Variants in GGA2 observed in about 807,000 individuals in gnomAD.
GGA2 encodes ADP-ribosylation factor-binding protein GGA2.
In GGA2, 48 loss-of-function variants were observed where a neutral mutation model predicts 79.5. That is an observed-to-expected ratio of 0.60 (90% CI 0.48 to 0.77). The LOEUF (loss-of-function observed/expected upper bound fraction) is 0.77. Among genes scored for constraint, GGA2 ranks in the 30% least tolerant of loss-of-function variants. GGA2 has a pLI of 0.00. For synonymous variants in GGA2, 317 were observed against 302.0 expected (o/e 1.05, Z -0.51); for missense variants, 770 against 774.0 (o/e 0.99, Z 0.06).
chr16:23,499,708 C>T (rs1221038750), intron 1 of GGA2, among the ~76,000 whole-genome samples: 3 of 152,194 alleles, frequency 2.0e-5, no homozygotes, highest in African/African-American at 4.8e-5. Context: ...GTGATCCGCC[C>T]GCCTCGGCCC....
chr16:23,507,649 A>G lies in GGA2; in HGVS notation c.91+2672T>C, dbSNP rs559980285. 6.0e-5 allele frequency among the ~76,000 whole-genome samples: 9 copies of G among 150,676 alleles called. 1 individual carries two copies. Among genetic ancestry groups the G allele is most frequent in the Non-Finnish European group, 1.2e-4 (8 of 67,816 alleles). ...TCTCTCTCTCTCTCTCACACACACA[A>G]ATTAGCCGGTTGTGGTGGCGTGTGC... is the stretch of plus-strand genomic sequence containing the variant. On this transcript the variant is annotated intron_variant, in intron 1 of 16. Coordinates refer to ENST00000309859, the MANE Select transcript of GGA2 (RefSeq NM_015044.4).
At chr16:23,476,598 C>T (rs1047358805) in intron 13 of GGA2, among the ~76,000 whole-genome samples, 1 of 152,140 alleles carries the variant, frequency 6.6e-6, no homozygotes, top group Non-Finnish European at 1.5e-5. Flanking sequence ...ATATGAAATG[C>T]ATCACAGATA....
chr16:23,475,513 C>T (rs1330985124), intron 13 of GGA2, among the ~76,000 whole-genome samples: 2 of 151,302 alleles, frequency 1.3e-5, no homozygotes, highest in Admixed American at 6.6e-5. Context: ...GTCAAGTAAT[C>T]GAACTCATAC....
chr16:23,501,792 G>A (rs372390577), intron 1 of GGA2, among the ~76,000 whole-genome samples: 1 of 152,190 alleles, frequency 6.6e-6, no homozygotes, highest in South Asian at 2.1e-4. Flanking sequence ...TTCATCGAGA[G>A]GAAACATCTT....
At position 23,467,460 on chromosome 16, in the gene GGA2, T is replaced by A; in HGVS notation, c.*130A>T. 1.8e-6 allele frequency: 1 copy of A among 558,054 alleles called. No homozygotes were observed. Among genetic ancestry groups the A allele is most frequent in the Admixed American group, 2.5e-5 (1 of 40,632 alleles). The allele number at this position is 558,054 out of a possible 1,614,324, so 34.6% of individuals were successfully genotyped here. On this transcript the variant is annotated 3_prime_UTR_variant, in exon 17 of 17. Coordinates refer to ENST00000309859, the MANE Select transcript of GGA2 (RefSeq NM_015044.4). ...GAGCATCTGCAGAATAAGTCAGAGG[T>A]TGACACCCAGAGCCTGACGTCAGGA...
chr16:23,466,016 G>A lies in GGA2; in HGVS notation c.*1574C>T, dbSNP rs1284750569. The A allele has an allele frequency of 6.6e-6, 1 of 152,250 alleles. No homozygotes were observed. The highest frequency in any genetic ancestry group is 1.5e-5 in the Non-Finnish European group (1 of 68,178). The allele number at this position is 152,250 out of a possible 1,614,324, so 9.4% of individuals were successfully genotyped here. A position where few individuals can be genotyped will look rare whatever the true frequency, so the allele number is the denominator to read the frequency against. On this transcript the variant is annotated 3_prime_UTR_variant, in exon 17 of 17. Transcript: ENST00000309859. ...TTAAAATTCGTCTTATGTGAATTATGGCAAATGAAATCACCCCACTGTTTA... is the reference window on the plus strand; with the variant it reads ...TTAAAATTCGTCTTATGTGAATTATAGCAAATGAAATCACCCCACTGTTTA...
At chr16:23,496,943 C>T (rs1162257272) in intron 1 of GGA2, among the ~76,000 whole-genome samples, 11 of 139,880 alleles carry the variant, frequency 7.9e-5, no homozygotes, top group Non-Finnish European at 1.4e-4. Context: ...GGCAACAGAG[C>T]GAGACTCCAT....
At chr16:23,480,818 A>T in intron 9 of GGA2, 48 bp from the exon 10 acceptor site, 1 of 1,574,222 alleles carries the variant, frequency 6.4e-7, no homozygotes, top group Non-Finnish European at 8.7e-7. Flanking sequence ...GCAACCAACA[A>T]TCTCAGTCTT....
At chr16:23,511,141 T>C (rs1951743405), upstream of GGA2, among the ~76,000 whole-genome samples, 1 of 152,026 alleles carries the variant, frequency 6.6e-6, no homozygotes, top group Non-Finnish European at 1.5e-5. Flanking sequence ...TGCTTGCATT[T>C]ATTTTTTATT....
intron 14 of GGA2, among the ~76,000 whole-genome samples, chr16:23,473,303 T>TGGTATAGA (rs1964536809): frequency 6.7e-6 from 1 of 149,496 alleles, no homozygotes; most frequent in Non-Finnish European, 1.5e-5. Context: ...TGGCTGTTAA[T>TGGTATAGA]GGTATAGATG....
intron 14 of GGA2, among the ~76,000 whole-genome samples, chr16:23,472,860 C>G (rs1964528419): frequency 6.6e-6 from 1 of 151,750 alleles, no homozygotes; most frequent in South Asian, 2.1e-4. Context: ...CGGTGAAACC[C>G]TGTCTCTACT....
intron 2 of GGA2, 22 bp downstream of exon 2, chr16:23,495,672 T>G (rs1301375324): frequency 2.1e-6 from 3 of 1,397,828 alleles, no homozygotes; most frequent in African/African-American, 2.8e-5. Flanking sequence ...GAGTCAACTA[T>G]GTGTGTGAGA....
At chr16:23,484,375 G>C (rs539139132) in intron 8 of GGA2, among the ~76,000 whole-genome samples, 1 of 152,100 alleles carries the variant, frequency 6.6e-6, no homozygotes, top group Non-Finnish European at 1.5e-5. Flanking sequence ...CTGAGATCAC[G>C]CAATTGCACT....
intron 6 of GGA2, among the ~76,000 whole-genome samples, chr16:23,487,761 C>T (rs891437687): frequency 6.6e-6 from 1 of 152,228 alleles, no homozygotes; most frequent in African/African-American, 2.4e-5. Flanking sequence ...GGAACCTAGA[C>T]TAGCCTTGCT....
At chr16:23,516,772 C>T (rs1033226599) in intron 2 of GGA2, among the ~76,000 whole-genome samples, 2 of 152,284 alleles carry the variant, frequency 1.3e-5, no homozygotes, top group East Asian at 1.9e-4. Flanking sequence ...TATGGAGACC[C>T]TCACTTCCCC....
At chr16:23,482,596 A>C (rs1964661791) in intron 9 of GGA2, among the ~76,000 whole-genome samples, 1 of 152,062 alleles carries the variant, frequency 6.6e-6, no homozygotes, top group Non-Finnish European at 1.5e-5. Context: ...CCCTTGAGAC[A>C]CCACCCACAG....
rs771608334 is a variant in GGA2 at position 23,491,874 on chromosome 16, G to GC, written c.352-75dup. On this transcript the variant is annotated intron_variant, in intron 4 of 16. Transcript: ENST00000309859. ...GACCGACACTTTAACTAAAGAGGTA[G>GC]CTGCTGAGGCCCAGAGACACAAGCT... 8.1e-5 allele frequency: 83 copies of GC among 1,024,414 alleles called. No homozygotes were observed. The Middle Eastern group carries it at 1.4e-3, about 18-fold the overall frequency. 63.5% of individuals were successfully genotyped at this position (1,024,414 alleles called of 1,614,324 possible). A position where few individuals can be genotyped will look rare whatever the true frequency, so the allele number is the denominator to read the frequency against.
intron 16 of GGA2, among the ~76,000 whole-genome samples, chr16:23,468,090 C>G (rs1964463912): frequency 6.6e-6 from 1 of 151,374 alleles, no homozygotes. Context: ...CCAACCAAAC[C>G]AGAGACTGAC....
At chr16:23,473,183 A>G (rs944677890) in intron 14 of GGA2, among the ~76,000 whole-genome samples, 5 of 152,016 alleles carry the variant, frequency 3.3e-5, no homozygotes, top group African/African-American at 4.8e-5. Context: ...AATAGAGTAT[A>G]AAACATTCTA....
Sources: gnomAD v4.1 joint callset for allele counts (sites outside exome capture counted in the v4.1 genomes callset) on GRCh38, gnomAD v4.1.1 for gene constraint, MANE v1.5 for transcripts, NCBI Gene and HGNC (gene_info 2026-07-23, HGNC 2026-07-21) for gene names.